Variants in RPL34 observed in about 807,000 individuals in gnomAD.
RPL34 encodes the protein large ribosomal subunit protein eL34.
Under a neutral mutation model 16.3 loss-of-function variants are expected in RPL34, and 2 were observed. The ratio of observed to expected loss-of-function variants is 0.12; its 90% CI spans 0.05 to 0.39. The LOEUF (loss-of-function observed/expected upper bound fraction) is 0.39. Among genes scored for constraint, RPL34 ranks in the 10% least tolerant of loss-of-function variants. The pLI is 0.99. For synonymous variants in RPL34, 47 were observed against 48.5 expected (o/e 0.97, Z 0.13); for missense variants, 82 against 148.8 (o/e 0.55, Z 2.33).
intron 3 of RPL34, 151 bp downstream of exon 3, chr4:108,622,355 C>T (rs1321761730): frequency 3.7e-6 from 3 of 811,400 alleles, no homozygotes; most frequent in Admixed American, 2.3e-5. Flanking sequence ...CGAACATAGA[C>T]TTTTTAAACC....
Position 108,622,500 on chromosome 4 carries a change from AT to A in RPL34, c.166-10del. On this transcript the variant is annotated splice_polypyrimidine_tract_variant and intron_variant, in intron 3 of 4. Coordinates refer to ENST00000394667, the MANE Select transcript of RPL34 (RefSeq NM_001319236.2). Reference sequence around the variant, plus strand: ...GTTAAAGCATCACAAAAATCTTAATATTTTTCTTATGCAGGTTCGTGCTGTA... The same window carrying A: ...GTTAAAGCATCACAAAAATCTTAATATTTTCTTATGCAGGTTCGTGCTGTA... 6.3e-7 allele frequency: 1 copy of A among 1,593,292 alleles called. No individual in the cohort carries two copies. The highest frequency in any genetic ancestry group is 8.6e-7 in the Non-Finnish European group (1 of 1,163,214).
intron 4 of RPL34, 51 bp from the exon 5 acceptor site, chr4:108,625,074 TAAA>T: frequency 7.7e-7 from 1 of 1,298,856 alleles, no homozygotes; most frequent in Non-Finnish European, 1.1e-6. Flanking sequence ...CTGTGCTAAA[TAAA>T]AAATGAAGTT....
downstream of RPL34, among the ~76,000 whole-genome samples, chr4:108,626,517 C>T (rs938069246): frequency 3.1e-5 from 4 of 127,622 alleles, no homozygotes; most frequent in Admixed American, 4.1e-4. Flanking sequence ...GGCTCGATTT[C>T]GGCTCACTGC....
In RPL34 at chr4:108,622,181, G is replaced by T. The variant is rs1065696; in HGVS notation, c.142G>T (p.Val48Leu). The T allele has an allele frequency of 1.2e-6, 2 of 1,611,730 alleles. No homozygotes were observed. The highest frequency in any genetic ancestry group is 1.7e-6 in the Non-Finnish European group (2 of 1,179,426). The change falls in exon 3 of 5, where the codon GTG (valine) becomes TTG (leucine). Residue 48 changes from valine to leucine, a missense_variant. Physicochemically the swap from Val to Leu is conservative, Grantham distance 32 (BLOSUM62 1). Transcript: ENST00000394667. ...GAAAGCACCAAAATCTGCATGTGGT[G>T]TGTGCCCAGGCAGACTTCGAGGGGT... ...VGKAPKSACGVCPGRLRGVRA... is the reference protein window; with the variant it reads ...VGKAPKSACGLCPGRLRGVRA...
At chr4:108,626,885 A>G (rs1033634773), downstream of RPL34, among the ~76,000 whole-genome samples, 3 of 152,120 alleles carry the variant, frequency 2.0e-5, no homozygotes, top group Non-Finnish European at 2.9e-5. Context: ...AAATTTACCT[A>G]CTAACTGGCA....
At chr4:108,624,887 A>G (rs1050375637) in intron 4 of RPL34, among the ~76,000 whole-genome samples, 1 of 152,140 alleles carries the variant, frequency 6.6e-6, no homozygotes, top group Non-Finnish European at 1.5e-5. Flanking sequence ...TCCTGTGGGG[A>G]TGACTTCATA....
Position 108,625,318 on chromosome 4 carries a change from A to C in RPL34, c.*106A>C, listed in dbSNP as rs565901047. The C allele has an allele frequency of 1.6e-6, 1 of 638,324 alleles. No homozygotes were observed. The highest frequency in any genetic ancestry group is 2.8e-5 in the East Asian group (1 of 36,136). The allele number at this position is 638,324 out of a possible 1,614,324, so 39.5% of individuals were successfully genotyped here. A position where few individuals can be genotyped will look rare whatever the true frequency, so the allele number is the denominator to read the frequency against. On this transcript the variant is annotated 3_prime_UTR_variant, in exon 5 of 5. Transcript: ENST00000394667. The stretch of plus-strand genomic sequence containing the variant: ...TATACAGATTTTGTTTCTGTATGGT[A>C]TTTGGGGACCCTATAGTTTTTAGCA...
At chr4:108,622,714 C>G in intron 4 of RPL34, 96 bp downstream of exon 4, 2 of 701,870 alleles carry the variant, frequency 2.8e-6, no homozygotes, top group Non-Finnish European at 4.8e-6. Context: ...TCATTTTAAA[C>G]CAGTTGCATG....
At chr4:108,627,292 C>A (rs1016855578), downstream of RPL34, among the ~76,000 whole-genome samples, 4 of 151,978 alleles carry the variant, frequency 2.6e-5, no homozygotes, top group Non-Finnish European at 5.9e-5. Context: ...CCCTATAGTC[C>A]CAGTCTCAAC....
intron 4 of RPL34, among the ~76,000 whole-genome samples, chr4:108,624,802 C>T (rs767756521): frequency 9.9e-5 from 15 of 152,110 alleles, no homozygotes; most frequent in African/African-American, 1.7e-4. Context: ...TTAAAATATT[C>T]TAAGACATTT....
chr4:108,622,208 A>G lies in RPL34; in HGVS notation c.165+4A>G. The G allele has an allele frequency of 6.3e-7, 1 of 1,595,478 alleles. No individual in the cohort carries two copies. Among genetic ancestry groups the G allele is most frequent in the Non-Finnish European group, 8.6e-7 (1 of 1,167,532 alleles). Reference sequence around the variant, plus strand: ...GTGCCCAGGCAGACTTCGAGGGGTAAGTGTACCTTTTACTGTGTGCAGCCT... The same window carrying G: ...GTGCCCAGGCAGACTTCGAGGGGTAGGTGTACCTTTTACTGTGTGCAGCCT... On this transcript the variant is annotated splice_donor_region_variant and intron_variant, in intron 3 of 4. Coordinates refer to ENST00000394667, the MANE Select transcript of RPL34 (RefSeq NM_001319236.2).
chr4:108,620,812 A>C (rs1578320311), intron 1 of RPL34: 1 of 153,106 alleles, frequency 6.5e-6, no homozygotes, highest in African/African-American at 2.4e-5. Context: ...GTGAGTAGCC[A>C]CAGCTCACCA....
chr4:108,623,484 A>G (rs1054353648), intron 4 of RPL34, among the ~76,000 whole-genome samples: 3 of 152,196 alleles, frequency 2.0e-5, no homozygotes, highest in African/African-American at 7.2e-5. Flanking sequence ...ATCTTGGCTC[A>G]CTGTAACCTC....
At chr4:108,627,387 A>T (rs934970491), downstream of RPL34, among the ~76,000 whole-genome samples, 1 of 152,192 alleles carries the variant, frequency 6.6e-6, no homozygotes, top group East Asian at 1.9e-4. Flanking sequence ...TGCCTAAAAA[A>T]TAATTAAAAA....
At chr4:108,627,098 G>A (rs2110368213), downstream of RPL34, among the ~76,000 whole-genome samples, 1 of 152,222 alleles carries the variant, frequency 6.6e-6, no homozygotes, top group African/African-American at 2.4e-5. Flanking sequence ...AACTAGCTGG[G>A]CGTGGTGGTA....
chr4:108,629,514 A>C (rs1305685264), downstream of RPL34, among the ~76,000 whole-genome samples: 1 of 152,252 alleles, frequency 6.6e-6, no homozygotes, highest in East Asian at 1.9e-4. Context: ...ACTCTGTCCA[A>C]GTGACCCAAA....
At chr4:108,627,835 C>T (rs1420420787), downstream of RPL34, among the ~76,000 whole-genome samples, 1 of 151,138 alleles carries the variant, frequency 6.6e-6, no homozygotes, top group African/African-American at 2.4e-5. Flanking sequence ...GCACTCCAGC[C>T]TGAGTGACAG....
At chr4:108,622,725 C>T (rs1725837427) in intron 4 of RPL34, 107 bp downstream of exon 4, 6 of 612,370 alleles carry the variant, frequency 9.8e-6, no homozygotes, top group Admixed American at 2.9e-5. Context: ...CAGTTGCATG[C>T]TTTAGAACCC....
chr4:108,622,298 A>C, intron 3 of RPL34, 94 bp downstream of exon 3: 2 of 977,700 alleles, frequency 2.0e-6, no homozygotes, highest in Non-Finnish European at 3.2e-6. Context: ...AGAGGTTACC[A>C]CTAAGAGGGT....
Sources: gnomAD v4.1 joint callset for allele counts (sites outside exome capture counted in the v4.1 genomes callset) on GRCh38, gnomAD v4.1.1 for gene constraint, MANE v1.5 for transcripts, NCBI Gene and HGNC (gene_info 2026-07-23, HGNC 2026-07-21) for gene names.